CDH18: variants seen among roughly 807,000 people sequenced by gnomAD.
CDH18 encodes cadherin 18, also known as cadherin-18.
Under a neutral mutation model 67.9 loss-of-function variants are expected in CDH18, and 31 were observed. The ratio of observed to expected loss-of-function variants is 0.46; its 90% CI spans 0.34 to 0.62. CDH18 has a LOEUF of 0.62. CDH18 is among the 20% of genes least tolerant of loss of function. The pLI is 0.01. For missense variants in CDH18, 890 were observed against 975.5 expected (o/e 0.91, Z 1.17); for synonymous variants, 362 against 347.2 (o/e 1.04, Z -0.48).
At chr5:20,470,496 T>C (rs1394147982) in intron 1 of CDH18, among the ~76,000 whole-genome samples, 1 of 152,202 alleles carries the variant, frequency 6.6e-6, no homozygotes, top group African/African-American at 2.4e-5. Context: ...TTTTTTGAAA[T>C]GTGCAGCATC....
At chr5:20,186,378 C>T (rs186246887) in intron 2 of CDH18, among the ~76,000 whole-genome samples, 216 of 151,988 alleles carry the variant, frequency 1.4e-3, no homozygotes, top group Non-Finnish European at 1.6e-3. Context: ...ATTTGCAAAT[C>T]CCATATCTGG....
chr5:19,819,485 C>G (rs1779629667), intron 3 of CDH18, among the ~76,000 whole-genome samples: 1 of 152,080 alleles, frequency 6.6e-6, no homozygotes, highest in African/African-American at 2.4e-5. Flanking sequence ...AGGGACAAAG[C>G]TAGGAAGCCT....
intron 2 of CDH18, among the ~76,000 whole-genome samples, chr5:19,955,260 CTTTA>C (rs200018934): frequency 0.015 from 2,284 of 152,104 alleles, 18 homozygotes; most frequent in Non-Finnish European, 0.027. Context: ...TCGTGCACAT[CTTTA>C]TTAGCAGTGT....
At chr5:20,381,874 G>T (rs930393741) in intron 1 of CDH18, among the ~76,000 whole-genome samples, 1 of 152,004 alleles carries the variant, frequency 6.6e-6, no homozygotes, top group Non-Finnish European at 1.5e-5. Flanking sequence ...GAATGAAATT[G>T]TATCTTACTC....
At chr5:20,244,625 G>A (rs1743233470) in intron 2 of CDH18, among the ~76,000 whole-genome samples, 1 of 151,922 alleles carries the variant, frequency 6.6e-6, no homozygotes, top group Non-Finnish European at 1.5e-5. Context: ...TCATGTTTTG[G>A]ACTCATAAAA....
At chr5:20,160,885 T>C (rs1561839714) in intron 2 of CDH18, among the ~76,000 whole-genome samples, 2 of 152,324 alleles carry the variant, frequency 1.3e-5, no homozygotes, top group East Asian at 1.9e-4. Flanking sequence ...CCGCCAAGAA[T>C]GGTGTTCGTA....
At chr5:19,743,042 A>T (rs1327558164) in intron 4 of CDH18, among the ~76,000 whole-genome samples, 2 of 152,168 alleles carry the variant, frequency 1.3e-5, no homozygotes, top group East Asian at 1.9e-4. Flanking sequence ...AACCTTCAAC[A>T]ATGTGTGTGT....
intron 3 of CDH18, among the ~76,000 whole-genome samples, chr5:19,787,770 G>A (rs897845343): frequency 8.0e-5 from 12 of 149,394 alleles, no homozygotes; most frequent in South Asian, 6.3e-4. Context: ...GATGTAAGAC[G>A]CCAGCACCAA....
intron 6 of CDH18, among the ~76,000 whole-genome samples, chr5:19,611,488 A>G (rs533689432): frequency 6.6e-6 from 1 of 152,220 alleles, no homozygotes; most frequent in East Asian, 1.9e-4. Flanking sequence ...ACAAAGTGTT[A>G]TTATATTTTA....
At chr5:19,931,010 A>G (rs548256694) in intron 2 of CDH18, among the ~76,000 whole-genome samples, 2 of 152,146 alleles carry the variant, frequency 1.3e-5, no homozygotes, top group Admixed American at 6.6e-5. Flanking sequence ...GATATATGTT[A>G]CATGGGTTGG....
Position 20,384,279 on chromosome 5 carries a change from C to T in CDH18, c.-579-128774G>A, listed in dbSNP as rs570269377. On this transcript the variant is annotated intron_variant, in intron 1 of 14. Transcript: ENST00000507958. ...CCTTCTCACAGCGCCTGGAAACCAG[C>T]ATTCTACTTTCCATTTTTGTGGTTT... Among the ~76,000 whole-genome samples, 28 of 152,250 alleles carry T rather than the reference C, an allele frequency of 1.8e-4. 1 individual carries two copies. In the South Asian group the frequency reaches 5.0e-3, roughly 27 times the overall value.
chr5:20,238,506 A>G (rs924213803), intron 2 of CDH18, among the ~76,000 whole-genome samples: 2 of 152,164 alleles, frequency 1.3e-5, no homozygotes, highest in Non-Finnish European at 2.9e-5. Context: ...CTGCAACGAG[A>G]TACTTTTACA....
chr5:20,544,401 A>T (rs1354027692), intron 1 of CDH18, among the ~76,000 whole-genome samples: 1 of 152,156 alleles, frequency 6.6e-6, no homozygotes, highest in Non-Finnish European at 1.5e-5. Context: ...TATATATATC[A>T]TATTAATCTG....
chr5:20,494,411 T>C lies in CDH18; in HGVS notation c.-580+81051A>G, dbSNP rs78788325. Among the ~76,000 whole-genome samples the C allele has an allele frequency of 2.4e-4, 36 of 152,076 alleles. No individual in the cohort carries two copies. The East Asian group carries it at 6.8e-3, about 29-fold the overall frequency. On this transcript the variant is annotated intron_variant, in intron 1 of 14. Coordinates refer to the CDH18 transcript ENST00000507958. ...CTTCAAGAGGGAGGTTGTGAGAAAG[T>C]AGATAAAAAATGTGGGAAGAGGACC...
chr5:20,180,557 T>G (rs994451554), intron 2 of CDH18, among the ~76,000 whole-genome samples: 1 of 152,188 alleles, frequency 6.6e-6, no homozygotes, highest in African/African-American at 2.4e-5. Flanking sequence ...TACATACAAA[T>G]GTACCGTACT....
At chr5:19,478,559 A>T (rs1314872582) in intron 12 of CDH18, 4 of 152,216 alleles carry the variant, frequency 2.6e-5, no homozygotes, top group Non-Finnish European at 5.9e-5. Flanking sequence ...TGTTCACACC[A>T]ACTCCATTCT....
intron 5 of CDH18, among the ~76,000 whole-genome samples, chr5:19,667,490 TTATA>T (rs375310681): frequency 4.7e-4 from 61 of 130,480 alleles, no homozygotes; most frequent in African/African-American, 8.8e-4. Flanking sequence ...AATATATATG[TTATA>T]TATATATATA....
intron 4 of CDH18, among the ~76,000 whole-genome samples, chr5:19,738,915 A>C (rs1231159556): frequency 6.6e-6 from 1 of 152,204 alleles, no homozygotes; most frequent in African/African-American, 2.4e-5. Context: ...AGTTTAAAAA[A>C]AGTAAATGGA....
chr5:19,652,606 C>CA (rs920673533), intron 5 of CDH18, among the ~76,000 whole-genome samples: 6 of 151,944 alleles, frequency 3.9e-5, no homozygotes, highest in African/African-American at 1.5e-4. Flanking sequence ...ATCAATGCTG[C>CA]AAAACAGTTG....
Sources: allele counts gnomAD v4.1 joint callset (sites outside exome capture counted in the v4.1 genomes callset), GRCh38; gene constraint gnomAD v4.1.1; transcripts MANE v1.5; gene names NCBI Gene and HGNC (gene_info 2026-07-23, HGNC 2026-07-21).